The following PPP1R21 variants were observed in gnomAD, a reference collection of about 807,000 sequenced individuals.
The protein encoded by PPP1R21 is protein phosphatase 1 regulatory subunit 21.
PPP1R21 carries 85 observed loss-of-function variants against 112.8 expected under a neutral mutation model. That is an observed-to-expected ratio of 0.75 (90% CI 0.63 to 0.90). The LOEUF is 0.90. PPP1R21 is among the 40% of genes least tolerant of loss of function. The probability of loss-of-function intolerance (pLI) is 0.00; values close to 1 mark genes in which losing one functional copy is unlikely to be tolerated. For missense variants in PPP1R21, 1,199 were observed against 901.5 expected, an observed-to-expected ratio of 1.33 and a Z score of -4.23; for synonymous variants, 381 against 322.3, an observed-to-expected ratio of 1.18 and a Z score of -1.95.
chr2:48,444,609 T>C (rs1430006707), intron 1 of PPP1R21, among the ~76,000 whole-genome samples: 3 of 152,194 alleles, frequency 2.0e-5, no homozygotes, highest in African/African-American at 7.2e-5. Context: ...TTTTCAATGT[T>C]TGTGTTACCC....
chr2:48,471,238 C>T, intron 10 of PPP1R21, 41 bp from the exon 11 acceptor site: 2 of 1,608,654 alleles, frequency 1.2e-6, no homozygotes, highest in Non-Finnish European at 1.7e-6. Flanking sequence ...TCCTCTTTGT[C>T]CAGTAGCACT....
In PPP1R21 at chr2:48,483,654, T is replaced by G. The variant is rs141711449; in HGVS notation, c.1319-2977T>G. 3.4e-3 allele frequency among the ~76,000 whole-genome samples: 511 copies of G among 152,318 alleles called. 2 individuals are homozygous for G. The highest frequency in any genetic ancestry group is 7.7e-3 in the African/African-American group (322 of 41,560). On this transcript the variant is annotated intron_variant, in intron 13 of 21. Coordinates refer to ENST00000294952, the MANE Select transcript of PPP1R21 (RefSeq NM_001135629.3). ...TTTTACCCTTCTCTACCCTGTTCCT[T>G]GTAATGCACAATGAGAAACAGAACA...
chr2:48,445,478 G>A (rs942195791), intron 1 of PPP1R21, among the ~76,000 whole-genome samples: 11 of 152,206 alleles, frequency 7.2e-5, no homozygotes, highest in Non-Finnish European at 2.9e-5. Flanking sequence ...TGACTCACTT[G>A]AAGACCTTGT....
chr2:48,495,759 C>A lies in PPP1R21; in HGVS notation c.1680C>A (p.Gly560=), dbSNP rs771981888. 5 of 1,592,390 alleles carry A rather than the reference C, an allele frequency of 3.1e-6. No homozygotes were observed. The East Asian group carries it at 8.9e-5, about 28-fold the overall frequency. Residue 560 remains glycine, a synonymous_variant, in exon 16 of 22, where the codon GGC becomes GGA. Coordinates refer to ENST00000294952, the MANE Select transcript of PPP1R21 (RefSeq NM_001135629.3). ...ILLSSTESRE[G]LAQQVQQSLE... ...TCAGCTCTACTGAAAGTCGAGAAGGCCTTGCACAGCAAGTATGGCACTGGG... is the reference window on the plus strand; with the variant it reads ...TCAGCTCTACTGAAAGTCGAGAAGGACTTGCACAGCAAGTATGGCACTGGG...
At chr2:48,453,046 C>A (rs930603683) in intron 2 of PPP1R21, among the ~76,000 whole-genome samples, 2 of 151,868 alleles carry the variant, frequency 1.3e-5, no homozygotes, top group African/African-American at 4.8e-5. Flanking sequence ...CTCTGCCTCC[C>A]TGGTTTGAGT....
chr2:48,514,711 A>G lies in PPP1R21; in HGVS notation c.2314-4A>G. ...TCTTATTGTTGATATTTTTCTTTGC[A>G]CAGGGGAATTCTAAAAAGAACAAGA... On this transcript the variant is annotated splice_region_variant and splice_polypyrimidine_tract_variant and intron_variant, in intron 21 of 21. Transcript: ENST00000294952. The G allele has an allele frequency of 6.2e-7, 1 of 1,600,076 alleles. No homozygotes were observed. The highest frequency in any genetic ancestry group is 8.6e-7 in the Non-Finnish European group (1 of 1,168,854).
chr2:48,465,365 G>A (rs1308545344), intron 8 of PPP1R21, 128 bp from the exon 9 acceptor site: 10 of 911,734 alleles, frequency 1.1e-5, no homozygotes, highest in Non-Finnish European at 1.6e-5. Flanking sequence ...TCAAGTGGGA[G>A]CAGATGAATT....
In PPP1R21 at chr2:48,480,059, C is replaced by G. The variant is rs774469401; in HGVS notation, c.1318+43C>G. ...ACGTAAGCTTAAAACCTTTGCCCCA[C>G]TTTCTTCGATCTGCCTGAATAAGAT... On this transcript the variant is annotated intron_variant, in intron 13 of 21. Coordinates refer to ENST00000294952, the MANE Select transcript of PPP1R21 (RefSeq NM_001135629.3). 3 of 1,284,836 alleles carry G rather than the reference C, an allele frequency of 2.3e-6. No homozygotes were observed. In the South Asian group the frequency reaches 3.5e-5, roughly 15 times the overall value. The allele number at this position is 1,284,836 out of a possible 1,614,324, so 79.6% of individuals were successfully genotyped here.
At chr2:48,444,488 G>A (rs1667165390) in intron 1 of PPP1R21, among the ~76,000 whole-genome samples, 1 of 152,176 alleles carries the variant, frequency 6.6e-6, no homozygotes, top group Non-Finnish European at 1.5e-5. Flanking sequence ...GGAGAAGAGA[G>A]GCAAAAAGTG....
chr2:48,505,237 A>G (rs1443289066), intron 17 of PPP1R21, among the ~76,000 whole-genome samples: 1 of 152,172 alleles, frequency 6.6e-6, no homozygotes, highest in Admixed American at 6.5e-5. Flanking sequence ...CTGCTTTGGG[A>G]ATAGGTGTAG....
intron 1 of PPP1R21, among the ~76,000 whole-genome samples, chr2:48,447,011 A>G (rs1456818477): frequency 6.6e-6 from 1 of 152,204 alleles, no homozygotes; most frequent in Non-Finnish European, 1.5e-5. Flanking sequence ...TCAGCCTCCT[A>G]AAGTGCTGTG....
At chr2:48,441,040 C>T (rs767850952) in intron 1 of PPP1R21, 30 bp downstream of exon 1, 4 of 1,531,374 alleles carry the variant, frequency 2.6e-6, no homozygotes, top group East Asian at 4.5e-5. Context: ...AGTAGGGGGT[C>T]CCCCGCCCTG....
intron 14 of PPP1R21, among the ~76,000 whole-genome samples, chr2:48,488,649 C>G (rs886946641): frequency 2.6e-5 from 4 of 152,072 alleles, no homozygotes; most frequent in Non-Finnish European, 5.9e-5. Flanking sequence ...TTTATTTTAG[C>G]TTTACTTTGC....
chr2:48,448,149 T>C (rs1044275894), intron 1 of PPP1R21, among the ~76,000 whole-genome samples: 7 of 152,332 alleles, frequency 4.6e-5, no homozygotes, highest in South Asian at 4.1e-4. Flanking sequence ...CCTCCATTTC[T>C]ACCTACTAAG....
At chr2:48,494,888 T>C (rs906867548) in intron 15 of PPP1R21, among the ~76,000 whole-genome samples, 1 of 151,984 alleles carries the variant, frequency 6.6e-6, no homozygotes, top group South Asian at 2.1e-4. Context: ...TGGCTAATTT[T>C]TGTATTTTTA....
chr2:48,501,137 C>T (rs1455180373), intron 17 of PPP1R21, among the ~76,000 whole-genome samples: 4 of 152,262 alleles, frequency 2.6e-5, no homozygotes, highest in African/African-American at 4.8e-5. Context: ...CATTTAGCTA[C>T]GGTGTATAAA....
At chr2:48,476,041 A>C (rs530702396) in intron 12 of PPP1R21, among the ~76,000 whole-genome samples, 6 of 152,164 alleles carry the variant, frequency 3.9e-5, no homozygotes, top group Non-Finnish European at 7.3e-5. Flanking sequence ...TTGTCACTAC[A>C]GTAAATTTTG....
intron 13 of PPP1R21, among the ~76,000 whole-genome samples, chr2:48,485,530 A>G (rs1669244366): frequency 6.6e-6 from 1 of 152,120 alleles, no homozygotes; most frequent in Non-Finnish European, 1.5e-5. Context: ...CCTTTTCTAT[A>G]AGTCTAAAAC....
chr2:48,493,268 G>A (rs982134499), intron 15 of PPP1R21, among the ~76,000 whole-genome samples: 1 of 152,138 alleles, frequency 6.6e-6, no homozygotes, highest in Non-Finnish European at 1.5e-5. Context: ...GCCTACCAAA[G>A]TGCTGGGATT....
Sources: allele counts gnomAD v4.1 joint callset (sites outside exome capture counted in the v4.1 genomes callset), GRCh38; gene constraint gnomAD v4.1.1; transcripts MANE v1.5; gene names NCBI Gene and HGNC (gene_info 2026-07-23, HGNC 2026-07-21).